DAB1: variants seen among roughly 807,000 people sequenced by gnomAD.
DAB1 encodes the protein disabled homolog 1.
A neutral mutation model predicts 64.6 loss-of-function variants in DAB1; 15 were observed. The observed-to-expected ratio is 0.23, with a 90% CI of 0.16 to 0.36. The LOEUF is 0.36. Among genes scored for constraint, DAB1 ranks in the 10% least tolerant of loss-of-function variants. DAB1 has a pLI of 1.00. For missense variants in DAB1, 596 were observed against 706.7 expected (o/e 0.84, Z 1.78); for synonymous variants, 235 against 251.9 (o/e 0.93, Z 0.64).
chr1:57,207,529 C>T (rs867896186), intron 2 of DAB1, among the ~76,000 whole-genome samples: 8 of 133,742 alleles, frequency 6.0e-5, no homozygotes, highest in East Asian at 2.2e-4. Context: ...CTGCAAGCTC[C>T]GCCTCCCGGG....
chr1:57,271,847 T>C (rs1671025313), intron 2 of DAB1, among the ~76,000 whole-genome samples: 1 of 152,200 alleles, frequency 6.6e-6, no homozygotes, highest in African/African-American at 2.4e-5. Context: ...TCACACTGAT[T>C]GTTCCAAACT....
intron 2 of DAB1, among the ~76,000 whole-genome samples, chr1:57,189,744 G>A (rs1351455792): frequency 6.6e-6 from 1 of 151,806 alleles, no homozygotes; most frequent in Non-Finnish European, 1.5e-5. Context: ...GAGGTAAACA[G>A]GAGCATCCAT....
At chr1:57,818,837 C>T (rs1362659285) in intron 6 of DAB1, among the ~76,000 whole-genome samples, 2 of 151,392 alleles carry the variant, frequency 1.3e-5, no homozygotes, top group Admixed American at 1.3e-4. Flanking sequence ...ATTAGGAAAC[C>T]TTCACAGAAG....
chr1:58,105,380 T>C (rs1651570945), intron 5 of DAB1, among the ~76,000 whole-genome samples: 1 of 152,220 alleles, frequency 6.6e-6, no homozygotes, highest in Non-Finnish European at 1.5e-5. Flanking sequence ...ATACAAGGGC[T>C]GCCATTGCTT....
intron 5 of DAB1, among the ~76,000 whole-genome samples, chr1:58,025,352 G>A (rs1646873809): frequency 6.6e-6 from 1 of 151,906 alleles, no homozygotes; most frequent in African/African-American, 2.4e-5. Context: ...GCAGAACCTG[G>A]AAATCTGGAT....
chr1:58,301,699 C>G (rs1440237921), intron 4 of DAB1, among the ~76,000 whole-genome samples: 1 of 152,132 alleles, frequency 6.6e-6, no homozygotes, highest in East Asian at 1.9e-4. Flanking sequence ...CACAAGGAAA[C>G]TGAGGCCCGG....
intron 6 of DAB1, among the ~76,000 whole-genome samples, chr1:57,770,281 T>C (rs1372064367): frequency 1.3e-5 from 2 of 152,104 alleles, no homozygotes; most frequent in Non-Finnish European, 2.9e-5. Context: ...TCTTATCGAT[T>C]GATTGATTGA....
intron 7 of DAB1, among the ~76,000 whole-genome samples, chr1:57,468,288 G>T (rs1281788775): frequency 6.6e-6 from 1 of 152,190 alleles, no homozygotes; most frequent in Non-Finnish European, 1.5e-5. Flanking sequence ...AGCACGGAGG[G>T]AGGAGTGAGC....
chr1:57,977,711 C>T (rs1173416814), intron 5 of DAB1, among the ~76,000 whole-genome samples: 2 of 152,082 alleles, frequency 1.3e-5, no homozygotes, highest in East Asian at 3.9e-4. Context: ...TGACGACATC[C>T]CCCGGACCCA....
intron 2 of DAB1, among the ~76,000 whole-genome samples, chr1:57,245,421 T>A (rs1668792252): frequency 6.6e-6 from 1 of 152,106 alleles, no homozygotes; most frequent in Non-Finnish European, 1.5e-5. Flanking sequence ...CCTAATGCTA[T>A]CCCTCCCCCA....
At chr1:58,034,562 G>A (rs750467399) in intron 5 of DAB1, among the ~76,000 whole-genome samples, 2 of 152,208 alleles carry the variant, frequency 1.3e-5, no homozygotes, top group Admixed American at 6.5e-5. Context: ...TCAGTAACCT[G>A]TTTCTGGTTC....
At chr1:58,376,184 T>C (rs1305647941) in intron 3 of DAB1, among the ~76,000 whole-genome samples, 2 of 150,852 alleles carry the variant, frequency 1.3e-5, no homozygotes, top group East Asian at 3.9e-4. Context: ...TTCCTTCAGT[T>C]CTGCTCTGAT....
intron 14 of DAB1, among the ~76,000 whole-genome samples, chr1:57,005,108 G>A (rs1465145409): frequency 4.6e-5 from 7 of 152,124 alleles, no homozygotes; most frequent in Admixed American, 3.3e-4. Context: ...TGACACTGCC[G>A]AATGCCCTTG....
chr1:57,428,962 G>C (rs1685397311), upstream of DAB1, among the ~76,000 whole-genome samples: 1 of 150,328 alleles, frequency 6.7e-6, no homozygotes, highest in Non-Finnish European at 1.5e-5. Context: ...ACCCATTCTG[G>C]AGTGTAGTGG....
Position 57,858,684 on chromosome 1 carries a change from ACTGT to A in DAB1, n.87+25311_87+25314del, listed in dbSNP as rs921775014. Among the ~76,000 whole-genome samples, 42 of 151,670 alleles carry A rather than the reference ACTGT, an allele frequency of 2.8e-4. 1 individual carries two copies. The highest frequency in any genetic ancestry group is 9.9e-4 in the African/African-American group (41 of 41,304). On this transcript the variant is annotated intron_variant and non_coding_transcript_variant, in intron 1 of 1. Coordinates refer to the DAB1 transcript ENST00000477280. ...CCACCAAAGTTCTGGCTGACAACTG[ACTGT>A]CTGAATTCATTTCAAACTCTCTCTC...
At chr1:58,407,954 C>G (rs749146472) in intron 3 of DAB1, among the ~76,000 whole-genome samples, 1 of 152,182 alleles carries the variant, frequency 6.6e-6, no homozygotes, top group East Asian at 1.9e-4. Context: ...TTCTTGGTCT[C>G]GGTTCCTACT....
intron 5 of DAB1, among the ~76,000 whole-genome samples, chr1:58,026,363 T>C (rs1299607064): frequency 6.6e-6 from 1 of 152,190 alleles, no homozygotes; most frequent in African/African-American, 2.4e-5. Flanking sequence ...CTCCTACTTA[T>C]TAATGATAAG....
chr1:57,122,444 C>G (rs995632368), intron 4 of DAB1, among the ~76,000 whole-genome samples: 1 of 152,134 alleles, frequency 6.6e-6, no homozygotes, highest in African/African-American at 2.4e-5. Context: ...CTCTCCCAAA[C>G]ATGTTCATAT....
At chr1:57,586,489 C>G (rs1195509810) in intron 7 of DAB1, among the ~76,000 whole-genome samples, 2 of 151,764 alleles carry the variant, frequency 1.3e-5, no homozygotes, top group Admixed American at 6.6e-5. Context: ...CTCTCTCTCT[C>G]TCTCTCTATT....
Sources: allele counts gnomAD v4.1 joint callset (sites outside exome capture counted in the v4.1 genomes callset), GRCh38; gene constraint gnomAD v4.1.1; transcripts MANE v1.5; gene names NCBI Gene and HGNC (gene_info 2026-07-23, HGNC 2026-07-21).